The following PRKN variants were observed in gnomAD, a reference collection of about 807,000 sequenced individuals.
The protein encoded by PRKN is E3 ubiquitin-protein ligase parkin.
In PRKN, 56 loss-of-function variants were observed where a neutral mutation model predicts 59.5. The ratio of observed to expected loss-of-function variants is 0.94; its 90% confidence interval spans 0.76 to 1.18. PRKN has a LOEUF of 1.18. Among genes scored for constraint, PRKN ranks in the 50% most tolerant of loss-of-function variants. The pLI, the probability that PRKN is intolerant of heterozygous loss-of-function variation, is 0.00. For synonymous variants in PRKN, 250 were observed against 222.1 expected (o/e 1.13, Z -1.12); for missense variants, 657 against 596.4 (o/e 1.10, Z -1.06).
At chr6:161,782,068 G>A (rs1023158401) in intron 7 of PRKN, among the ~76,000 whole-genome samples, 10 of 152,120 alleles carry the variant, frequency 6.6e-5, no homozygotes. Context: ...CTAGGGAGCA[G>A]ATCCCAGTAA....
At chr6:162,496,458 G>A (rs1400670970) in intron 1 of PRKN, among the ~76,000 whole-genome samples, 3 of 151,944 alleles carry the variant, frequency 2.0e-5, no homozygotes, top group African/African-American at 7.3e-5. Flanking sequence ...AATGAAACTT[G>A]GTTTACTTCT....
At chr6:161,490,356 T>C (rs1777506597) in intron 9 of PRKN, among the ~76,000 whole-genome samples, 2 of 149,714 alleles carry the variant, frequency 1.3e-5, no homozygotes, top group Non-Finnish European at 3.0e-5. Flanking sequence ...TCTCTCTCTC[T>C]CTCCCTCTCT....
At position 161,369,926 on chromosome 6, in the gene PRKN, G is replaced by A. The variant is rs893328262; in HGVS notation, c.1168-9721C>T. On this transcript the variant is annotated intron_variant, in intron 10 of 11. Transcript: ENST00000366898. This position sits in a 1 kb window ranked among gnomAD's most constrained non-coding sequence, Gnocchi z 5.8. The stretch of plus-strand genomic sequence containing the variant: ...GGCTCAAGAGGAATAACCTCACAAG[G>A]GTCATCGTGAGTAAGATCAACACAC... 4.8e-6 allele frequency: 2 copies of A among 415,110 alleles called. No individual in the cohort carries two copies. Among genetic ancestry groups the A allele is most frequent in the Non-Finnish European group, 1.0e-5 (2 of 196,354 alleles). The allele number at this position is 415,110 out of a possible 1,614,324, so 25.7% of individuals were successfully genotyped here. A position where few individuals can be genotyped will look rare whatever the true frequency, so the allele number is the denominator to read the frequency against.
intron 1 of PRKN, among the ~76,000 whole-genome samples, chr6:162,686,114 TAAAC>T (rs1332964341): frequency 6.6e-6 from 1 of 152,182 alleles, no homozygotes; most frequent in Non-Finnish European, 1.5e-5. Flanking sequence ...TTTAAAATAT[TAAAC>T]ATAATACAAA....
rs1014134630 is a variant in PRKN, at chr6:161,356,814, C to T, written c.1285+3274G>A. On this transcript the variant is annotated intron_variant, in intron 11 of 11. Coordinates refer to ENST00000366898, the MANE Select transcript of PRKN (RefSeq NM_004562.3). This position sits in a 1 kb window ranked among gnomAD's most constrained non-coding sequence, Gnocchi z 7.8. The stretch of plus-strand genomic sequence containing the variant: ...GTCCATTGAACAATCAGTGGAGACA[C>T]TAAGGAAGCAGCTGGCTATTGGAGT... Among the ~76,000 whole-genome samples, 7 of 152,034 alleles carry T rather than the reference C, an allele frequency of 4.6e-5. No individual in the cohort carries two copies. Among genetic ancestry groups the T allele is most frequent in the Admixed American group, 2.0e-4 (3 of 15,256 alleles).
At chr6:162,627,520 T>C (rs1200362178) in intron 1 of PRKN, among the ~76,000 whole-genome samples, 1 of 152,064 alleles carries the variant, frequency 6.6e-6, no homozygotes, top group Non-Finnish European at 1.5e-5. Flanking sequence ...TCTTTTTCTT[T>C]ATTTAAGGAA....
chr6:161,859,389 G>A (rs1469858161), intron 6 of PRKN, among the ~76,000 whole-genome samples: 1 of 151,888 alleles, frequency 6.6e-6, no homozygotes, highest in Non-Finnish European at 1.5e-5. Flanking sequence ...TGGATCACAA[G>A]GTCAGGAGAT....
chr6:161,681,199 T>G (rs2128172547), intron 7 of PRKN, among the ~76,000 whole-genome samples: 1 of 152,252 alleles, frequency 6.6e-6, no homozygotes, highest in African/African-American at 2.4e-5. Flanking sequence ...TGACCTCAAC[T>G]GACCTGCCCA....
At chr6:162,511,119 T>C (rs1270593654) in intron 1 of PRKN, among the ~76,000 whole-genome samples, 1 of 152,152 alleles carries the variant, frequency 6.6e-6, no homozygotes, top group African/African-American at 2.4e-5. Flanking sequence ...AAAGTTTTTC[T>C]ATAGAAAATA....
chr6:161,783,518 C>T, intron 7 of PRKN: 2 of 430,030 alleles, frequency 4.7e-6, no homozygotes. Context: ...TAGTATTTTT[C>T]CTTACTTTTG....
intron 1 of PRKN, among the ~76,000 whole-genome samples, chr6:162,693,703 T>C (rs1777864012): frequency 1.3e-5 from 2 of 152,204 alleles, no homozygotes; most frequent in South Asian, 4.1e-4. Context: ...ATTATCCATC[T>C]TGAATCTCAG....
intron 8 of PRKN, among the ~76,000 whole-genome samples, chr6:161,553,231 T>A (rs894930822): frequency 2.0e-5 from 3 of 151,724 alleles, no homozygotes; most frequent in African/African-American, 7.2e-5. Context: ...CCAGTCTTCA[T>A]TTTGCTGATT....
In PRKN at chr6:161,400,785, C is replaced by T. The variant is rs992654185; in HGVS notation, c.1084-13908G>A. On this transcript the variant is annotated intron_variant, in intron 9 of 11. Transcript: ENST00000366898. The surrounding 1 kb of genome is among the most constrained non-coding windows in gnomAD (Gnocchi z 4.2). The stretch of plus-strand genomic sequence containing the variant: ...CAGTCAAATTAAAGAAAATATGAGG[C>T]GTAACTGCCCTGCAGTGAGAGCATA... 1.6e-4 allele frequency among the ~76,000 whole-genome samples: 24 copies of T among 152,106 alleles called. No homozygotes were observed. The highest frequency in any genetic ancestry group is 4.3e-4 in the African/African-American group (18 of 41,462).
chr6:162,396,504 TTGTCA>T (rs1484895766), intron 2 of PRKN, among the ~76,000 whole-genome samples: 1 of 152,094 alleles, frequency 6.6e-6, no homozygotes, highest in Non-Finnish European at 1.5e-5. Flanking sequence ...CTGTGGCAAC[TTGTCA>T]TGGTGGAGCC....
At chr6:162,541,980 G>A (rs375243340) in intron 1 of PRKN, among the ~76,000 whole-genome samples, 90 of 152,176 alleles carry the variant, frequency 5.9e-4, no homozygotes, top group African/African-American at 2.0e-3. Flanking sequence ...GTGCCCTTGG[G>A]TTGACTAAAA....
intron 6 of PRKN, among the ~76,000 whole-genome samples, chr6:161,884,833 T>C (rs1178128108): frequency 1.3e-5 from 2 of 152,176 alleles, no homozygotes; most frequent in African/African-American, 4.8e-5. Context: ...AAACATTTTA[T>C]ATGAGAATCA....
intron 6 of PRKN, among the ~76,000 whole-genome samples, chr6:161,857,972 A>T (rs7773102): frequency 0.5 from 75,814 of 152,018 alleles, 19,149 homozygotes; most frequent in East Asian, 0.76. Context: ...TGGTGCAAAG[A>T]CACTCAGTAG....
intron 2 of PRKN, among the ~76,000 whole-genome samples, chr6:162,343,338 C>G (rs1583413800): frequency 6.6e-6 from 1 of 152,186 alleles, no homozygotes; most frequent in Non-Finnish European, 1.5e-5. Flanking sequence ...TTCTCCACCC[C>G]TTTCTGGCTT....
At chr6:161,723,297 G>C (rs2093655375) in intron 7 of PRKN, among the ~76,000 whole-genome samples, 1 of 151,752 alleles carries the variant, frequency 6.6e-6, no homozygotes, top group African/African-American at 2.4e-5. Flanking sequence ...ATGTCTACAT[G>C]ATTAAAGTGA....
Sources: allele counts gnomAD v4.1 joint callset (sites outside exome capture counted in the v4.1 genomes callset), GRCh38; gene constraint gnomAD v4.1.1; non-coding constraint Gnocchi (gnomAD v3.1); transcripts MANE v1.5; gene names NCBI Gene and HGNC (gene_info 2026-07-23, HGNC 2026-07-21).